Variants in GPC5 observed in about 807,000 individuals in gnomAD.
The protein encoded by GPC5 is glypican 5.
Under a neutral mutation model 53.9 loss-of-function variants are expected in GPC5, and 47 were observed. The ratio of observed to expected loss-of-function variants is 0.87; its 90% CI spans 0.69 to 1.11. The LOEUF (loss-of-function observed/expected upper bound fraction) is 1.11, where lower values mean the gene tolerates loss of function less well. Among genes scored for constraint, GPC5 ranks in the 50% most tolerant of loss-of-function variants. The probability of loss-of-function intolerance (pLI) is 0.00; values close to 1 mark genes in which losing one functional copy is unlikely to be tolerated. For missense variants in GPC5, 748 were observed against 713.1 expected, an observed-to-expected ratio of 1.05 and a Z score of -0.56; for synonymous variants, 286 against 263.3, an observed-to-expected ratio of 1.09 and a Z score of -0.84.
At chr13:91,617,352 A>G (rs999030719) in intron 2 of GPC5, among the ~76,000 whole-genome samples, 3 of 152,120 alleles carry the variant, frequency 2.0e-5, no homozygotes, top group African/African-American at 7.2e-5. Context: ...ATAGAATTTC[A>G]CCAGTCAGAA....
At chr13:92,845,787 G>T (rs2138838613) in intron 7 of GPC5, among the ~76,000 whole-genome samples, 1 of 152,116 alleles carries the variant, frequency 6.6e-6, no homozygotes, top group South Asian at 2.1e-4. Flanking sequence ...TAATATAATG[G>T]TAATTTTAAT....
At chr13:91,482,040 T>C (rs1566438420) in intron 2 of GPC5, among the ~76,000 whole-genome samples, 1 of 152,198 alleles carries the variant, frequency 6.6e-6, no homozygotes, top group Admixed American at 6.5e-5. Context: ...AGTCTATCTG[T>C]CATGGTGCCT....
intron 2 of GPC5, among the ~76,000 whole-genome samples, chr13:91,688,636 C>T (rs904420418): frequency 7.9e-5 from 12 of 151,998 alleles, no homozygotes; most frequent in African/African-American, 2.9e-4. Flanking sequence ...CACTGAAGTA[C>T]AGAGATTTGT....
At chr13:92,738,096 A>G (rs1342883903) in intron 7 of GPC5, among the ~76,000 whole-genome samples, 1 of 151,886 alleles carries the variant, frequency 6.6e-6, no homozygotes, top group Non-Finnish European at 1.5e-5. Flanking sequence ...CTCTTCCACT[A>G]TTTTGGAAAT....
chr13:91,676,227 C>T (rs530558023), intron 2 of GPC5, among the ~76,000 whole-genome samples: 2 of 152,094 alleles, frequency 1.3e-5, no homozygotes, highest in Admixed American at 6.6e-5. Context: ...CCCGCCACCA[C>T]GCCTGACTAA....
At chr13:92,589,851 G>C (rs1594327577) in intron 7 of GPC5, among the ~76,000 whole-genome samples, 1 of 152,284 alleles carries the variant, frequency 6.6e-6, no homozygotes, top group East Asian at 1.9e-4. Context: ...ACTTACTTAA[G>C]TCAATCGAAA....
intron 7 of GPC5, among the ~76,000 whole-genome samples, chr13:92,502,376 A>G (rs1215938280): frequency 1.3e-5 from 2 of 152,120 alleles, no homozygotes; most frequent in East Asian, 3.8e-4. Flanking sequence ...AAGCATATCA[A>G]TAAATACTAA....
intron 7 of GPC5, among the ~76,000 whole-genome samples, chr13:92,557,184 T>C (rs1479344207): frequency 1.3e-5 from 2 of 151,912 alleles, no homozygotes; most frequent in Non-Finnish European, 2.9e-5. Flanking sequence ...GTCTTTTTTG[T>C]CATGTAAGTC....
At chr13:91,406,341 C>T (rs960914197) in intron 1 of GPC5, among the ~76,000 whole-genome samples, 2 of 152,146 alleles carry the variant, frequency 1.3e-5, no homozygotes, top group African/African-American at 4.8e-5. Context: ...CTTCTGTGTA[C>T]AATGATATTT....
chr13:92,154,119 T>A (rs2041926367), intron 7 of GPC5, among the ~76,000 whole-genome samples: 1 of 151,844 alleles, frequency 6.6e-6, no homozygotes, highest in Non-Finnish European at 1.5e-5. Flanking sequence ...ACAAAGGGAG[T>A]GCCAGTGTAT....
chr13:92,518,699 G>A (rs1470775185), intron 7 of GPC5, among the ~76,000 whole-genome samples: 2 of 152,132 alleles, frequency 1.3e-5, no homozygotes, highest in African/African-American at 2.4e-5. Flanking sequence ...GACCATCGAG[G>A]CTAGGAAGAA....
chr13:92,047,995 G>GA lies in GPC5; in HGVS notation c.1402-96826dup, dbSNP rs200897256. ...AACAGAGCAAGACTCCATCTCAAAAGAAAAAAAAAGCGGTATTACATTAAT... is the reference window on the plus strand; with the variant it reads ...AACAGAGCAAGACTCCATCTCAAAAGAAAAAAAAAAGCGGTATTACATTAAT... On this transcript the variant is annotated intron_variant, in intron 6 of 7. Transcript: ENST00000377067. Among the ~76,000 whole-genome samples the GA allele has an allele frequency of 4.9e-3, 720 of 147,684 alleles. 9 individuals carry two copies. The highest frequency in any genetic ancestry group is 0.016 in the African/African-American group (664 of 40,290).
At chr13:92,337,575 A>C (rs2043333499) in intron 7 of GPC5, among the ~76,000 whole-genome samples, 1 of 152,220 alleles carries the variant, frequency 6.6e-6, no homozygotes, top group Admixed American at 6.5e-5. Context: ...CACAGTAATC[A>C]AGACAGTGTG....
intron 2 of GPC5, among the ~76,000 whole-genome samples, chr13:91,480,253 G>A (rs889192009): frequency 1.3e-5 from 2 of 152,182 alleles, no homozygotes; most frequent in African/African-American, 2.4e-5. Flanking sequence ...ACCACAGATA[G>A]CTCCGCTATG....
chr13:92,074,462 A>C (rs1295255385), intron 6 of GPC5, among the ~76,000 whole-genome samples: 1 of 152,220 alleles, frequency 6.6e-6, no homozygotes, highest in Non-Finnish European at 1.5e-5. Context: ...TAGAAAACCA[A>C]AACACAGAGG....
chr13:91,950,369 C>T (rs978691710), intron 6 of GPC5, among the ~76,000 whole-genome samples: 1 of 151,406 alleles, frequency 6.6e-6, no homozygotes, highest in Non-Finnish European at 1.5e-5. Flanking sequence ...CTCCCAGCCC[C>T]ACCCTCCACT....
chr13:91,825,410 T>C (rs1339791146), intron 5 of GPC5, among the ~76,000 whole-genome samples: 1 of 152,152 alleles, frequency 6.6e-6, no homozygotes, highest in African/African-American at 2.4e-5. Context: ...CATTGCCCTA[T>C]TCTTGGCAGA....
chr13:91,744,065 G>T (rs1398712170), intron 4 of GPC5, among the ~76,000 whole-genome samples: 1 of 151,994 alleles, frequency 6.6e-6, no homozygotes, highest in Non-Finnish European at 1.5e-5. Context: ...CTTGTAAACT[G>T]AGTAAAACCA....
At position 92,470,135 on chromosome 13, in the gene GPC5, C is replaced by T. The variant is rs536062440; in HGVS notation, c.1561+325146C>T. Among the ~76,000 whole-genome samples, 43 of 152,166 alleles carry T rather than the reference C, an allele frequency of 2.8e-4. No homozygotes were observed. In the South Asian group the frequency reaches 8.9e-3, roughly 32 times the overall value. ...TCAGCTTGTTCGTGTTTTACTCAAC[C>T]TTAGGGCATGTTTAAGGATCACGTT... On this transcript the variant is annotated intron_variant, in intron 7 of 7. Transcript: ENST00000377067.
Sources: allele counts gnomAD v4.1 joint callset (sites outside exome capture counted in the v4.1 genomes callset), GRCh38; gene constraint gnomAD v4.1.1; transcripts MANE v1.5; gene names NCBI Gene and HGNC (gene_info 2026-07-23, HGNC 2026-07-21).